The following CACNB2 variants were observed in gnomAD, a reference collection of about 807,000 sequenced individuals.
CACNB2 encodes the protein voltage-dependent L-type calcium channel subunit beta-2.
CACNB2 carries 42 observed loss-of-function variants against 73.3 expected under a neutral mutation model. The observed-to-expected ratio is 0.57, with a 90% CI of 0.45 to 0.74. CACNB2 has a LOEUF of 0.74. Ranked by LOEUF, CACNB2 falls within the 30% of genes least tolerant of loss-of-function variation. The probability of loss-of-function intolerance (pLI) is 0.00; values close to 1 mark genes in which losing one functional copy is unlikely to be tolerated. For synonymous variants in CACNB2, 348 were observed against 310.3 expected (o/e 1.12, Z -1.28); for missense variants, 940 against 853.0 (o/e 1.10, Z -1.27).
At chr10:18,184,711 G>GATTCA (rs1199805217) in intron 2 of CACNB2, among the ~76,000 whole-genome samples, 11 of 116,468 alleles carry the variant, frequency 9.4e-5, no homozygotes, top group Non-Finnish European at 1.7e-4. Context: ...AATTTCATTC[G>GATTCA]ATTCAATTCA....
intron 2 of CACNB2, among the ~76,000 whole-genome samples, chr10:18,311,344 G>A (rs546615640): frequency 1.3e-5 from 2 of 152,242 alleles, no homozygotes; most frequent in South Asian, 2.1e-4. Context: ...ATCTCTAAAT[G>A]AGAGGGCAGC....
chr10:18,285,276 C>G (rs780308825), intron 2 of CACNB2, among the ~76,000 whole-genome samples: 19 of 152,192 alleles, frequency 1.2e-4, no homozygotes, highest in Non-Finnish European at 2.1e-4. Context: ...ATGTGACTTT[C>G]AAGGTTAGGT....
intron 2 of CACNB2, among the ~76,000 whole-genome samples, chr10:18,332,287 G>T (rs2040836269): frequency 6.6e-6 from 1 of 152,118 alleles, no homozygotes; most frequent in South Asian, 2.1e-4. Context: ...AGGTGGCAAG[G>T]GTTGGATTTG....
intron 2 of CACNB2, among the ~76,000 whole-genome samples, chr10:18,175,394 A>G (rs1455496046): frequency 6.6e-6 from 1 of 152,192 alleles, no homozygotes; most frequent in African/African-American, 2.4e-5. Context: ...ATATAAAATA[A>G]CGAAGACAGA....
intron 2 of CACNB2, among the ~76,000 whole-genome samples, chr10:18,268,926 G>A (rs192910286): frequency 9.5e-4 from 145 of 152,250 alleles, no homozygotes; most frequent in African/African-American, 3.4e-3. Context: ...GAAGGGCAAG[G>A]TCTGGCCTTC....
At chr10:18,331,717 C>A (rs1247706822) in intron 2 of CACNB2, among the ~76,000 whole-genome samples, 2 of 152,110 alleles carry the variant, frequency 1.3e-5, no homozygotes, top group Non-Finnish European at 2.9e-5. Flanking sequence ...GAGTCTCAGG[C>A]CTATCAAGCA....
intron 2 of CACNB2, among the ~76,000 whole-genome samples, chr10:18,158,876 T>C (rs900422399): frequency 2.0e-5 from 3 of 152,170 alleles, no homozygotes; most frequent in African/African-American, 7.2e-5. Flanking sequence ...AATTCTTTGA[T>C]GCTGCCAAGG....
intron 3 of CACNB2, among the ~76,000 whole-genome samples, chr10:18,449,694 T>C (rs1589391728): frequency 6.6e-6 from 1 of 152,222 alleles, no homozygotes; most frequent in African/African-American, 2.4e-5. Context: ...CCGAGCAGTC[T>C]ATGGGAACTT....
chr10:18,427,850 A>G (rs181333405), intron 3 of CACNB2, among the ~76,000 whole-genome samples: 1,565 of 152,062 alleles, frequency 0.01, 18 homozygotes, highest in Middle Eastern at 0.062. Flanking sequence ...AAATCTCACT[A>G]TATATTTTTG....
chr10:18,335,784 AACACACAC>A lies in CACNB2; in HGVS notation c.214-66106_214-66099del, dbSNP rs10545839. Among the ~76,000 whole-genome samples the A allele has an allele frequency of 4.7e-3, 682 of 144,018 alleles. 4 individuals carry two copies. Among genetic ancestry groups the A allele is most frequent in the East Asian group, 0.022 (104 of 4,818 alleles). 94.5% of individuals were successfully genotyped at this position (144,018 alleles called of 152,430 possible). On this transcript the variant is annotated intron_variant, in intron 2 of 13. Transcript: ENST00000324631. Reference sequence around the variant, plus strand: ...TCTCAGTCTTGTTTGACAGCAAGAAAACACACACACACACACACACACACACACACACA... The same window carrying A: ...TCTCAGTCTTGTTTGACAGCAAGAAAACACACACACACACACACACACACA...
chr10:18,178,965 T>C (rs536277846), intron 2 of CACNB2, among the ~76,000 whole-genome samples: 4 of 152,276 alleles, frequency 2.6e-5, no homozygotes, highest in African/African-American at 9.6e-5. Context: ...GTTGGGTCTA[T>C]AGAAAGCACT....
At chr10:18,407,456 T>A (rs2044360578) in intron 3 of CACNB2, among the ~76,000 whole-genome samples, 1 of 152,076 alleles carries the variant, frequency 6.6e-6, no homozygotes, top group Non-Finnish European at 1.5e-5. Flanking sequence ...TTTGTTTTTT[T>A]AAAATCTCTA....
intron 2 of CACNB2, among the ~76,000 whole-genome samples, chr10:18,171,586 TTAAAAAAAA>T: frequency 1.0e-5 from 1 of 99,644 alleles, no homozygotes; most frequent in East Asian, 2.2e-4. Context: ...TAATTCCAGT[TTAAAAAAAA>T]AAAAAAAAGG....
At chr10:18,258,280 A>G (rs1455289578) in intron 2 of CACNB2, among the ~76,000 whole-genome samples, 1 of 152,204 alleles carries the variant, frequency 6.6e-6, no homozygotes, top group Non-Finnish European at 1.5e-5. Flanking sequence ...AGTTAATAAA[A>G]TGTTAAGTGA....
intron 6 of CACNB2, among the ~76,000 whole-genome samples, chr10:18,509,196 T>A (rs1275837308): frequency 6.6e-6 from 1 of 152,206 alleles, no homozygotes; most frequent in African/African-American, 2.4e-5. Flanking sequence ...GTTCTCCCAA[T>A]CCACCTCCAG....
intron 2 of CACNB2, among the ~76,000 whole-genome samples, chr10:18,196,293 CT>C (rs374846564): frequency 6.5e-4 from 89 of 136,680 alleles, no homozygotes; most frequent in African/African-American, 1.4e-3. Flanking sequence ...ACCAACAAAA[CT>C]TTTTTTTTTT....
At chr10:18,462,334 A>T (rs1045655866) in intron 3 of CACNB2, among the ~76,000 whole-genome samples, 1 of 152,324 alleles carries the variant, frequency 6.6e-6, no homozygotes, top group African/African-American at 2.4e-5. Context: ...AGCTCACTGC[A>T]GCCTTGAACT....
At chr10:18,372,628 A>T (rs1386568206) in intron 2 of CACNB2, among the ~76,000 whole-genome samples, 1 of 152,132 alleles carries the variant, frequency 6.6e-6, no homozygotes, top group Non-Finnish European at 1.5e-5. Context: ...GCTGGCCTTG[A>T]ACTTCTGACC....
At chr10:18,272,893 A>G (rs2131651949) in intron 2 of CACNB2, among the ~76,000 whole-genome samples, 1 of 152,312 alleles carries the variant, frequency 6.6e-6, no homozygotes, top group South Asian at 2.1e-4. Flanking sequence ...ACTTTGGGTC[A>G]CTAGCGTTAG....
Sources: gnomAD v4.1 joint callset for allele counts (sites outside exome capture counted in the v4.1 genomes callset) on GRCh38, gnomAD v4.1.1 for gene constraint, MANE v1.5 for transcripts, NCBI Gene and HGNC (gene_info 2026-07-23, HGNC 2026-07-21) for gene names.